MEIS2: variants seen among roughly 807,000 people sequenced by gnomAD.
The protein encoded by MEIS2 is homeobox protein Meis2.
MEIS2 carries 9 observed loss-of-function variants against 58.6 expected under a neutral mutation model. The ratio of observed to expected loss-of-function variants is 0.15; its 90% CI spans 0.09 to 0.27. The LOEUF is 0.27. Ranked by LOEUF, MEIS2 falls within the 10% of genes least tolerant of loss-of-function variation. The pLI is 1.00. For missense variants in MEIS2, 427 were observed against 635.0 expected, an observed-to-expected ratio of 0.67 and a Z score of 3.52; for synonymous variants, 221 against 228.4, an observed-to-expected ratio of 0.97 and a Z score of 0.29.
In MEIS2 at chr15:36,891,093, G is replaced by A. The variant is rs1051353757; in HGVS notation, c.*1080C>T. The A allele has an allele frequency of 3.3e-5, 5 of 149,786 alleles. 1 individual carries two copies. Among genetic ancestry groups the A allele is most frequent in the African/African-American group, 7.4e-5 (3 of 40,378 alleles). The allele number at this position is 149,786 out of a possible 1,614,324, so 9.3% of individuals were successfully genotyped here. On this transcript the variant is annotated 3_prime_UTR_variant, in exon 12 of 12. Transcript: ENST00000561208. ...AACACCTTTTTTTTTTTAACATAAC[G>A]TCACAGTCCTCATACAAGTATTTTA... is the stretch of plus-strand genomic sequence containing the variant.
chr15:36,971,565 G>T (rs914053195), intron 8 of MEIS2, among the ~76,000 whole-genome samples: 1 of 28,176 alleles, frequency 3.5e-5, no homozygotes, highest in African/African-American at 2.1e-4. Context: ...AAAAAAAAAA[G>T]GGCTGTTCCA....
At chr15:37,007,789 G>A (rs1283510401) in intron 8 of MEIS2, among the ~76,000 whole-genome samples, 1 of 152,114 alleles carries the variant, frequency 6.6e-6, no homozygotes, top group East Asian at 1.9e-4. Flanking sequence ...ATGTCCATAA[G>A]CCTTTGCTAT....
At chr15:36,901,933 A>G (rs2056496227) in intron 9 of MEIS2, among the ~76,000 whole-genome samples, 1 of 152,100 alleles carries the variant, frequency 6.6e-6, no homozygotes, top group African/African-American at 2.4e-5. Context: ...ATTGTTGTAT[A>G]CTCCAGACTT....
chr15:37,095,144 G>A (rs950713958), intron 4 of MEIS2: 5 of 201,422 alleles, frequency 2.5e-5, no homozygotes, highest in African/African-American at 1.1e-4. Flanking sequence ...AGTGGCCTGC[G>A]CTGGCCTGCC....
intron 9 of MEIS2, chr15:36,897,972 G>A (rs2056271363): frequency 6.6e-6 from 1 of 152,176 alleles, no homozygotes; most frequent in Non-Finnish European, 1.5e-5. Flanking sequence ...CACTCGGTCG[G>A]GCCTCCTGTG....
At chr15:36,911,376 GTGAC>G (rs1482779449) in intron 9 of MEIS2, among the ~76,000 whole-genome samples, 1 of 152,078 alleles carries the variant, frequency 6.6e-6, no homozygotes, top group Non-Finnish European at 1.5e-5. Context: ...AATCAGAACT[GTGAC>G]TGAGCTGTGT....
intron 11 of MEIS2, among the ~76,000 whole-genome samples, chr15:36,893,074 G>A (rs2055967980): frequency 6.6e-6 from 1 of 152,136 alleles, no homozygotes; most frequent in Admixed American, 6.5e-5. Context: ...GACATGCCCG[G>A]TAGTTTATCT....
At chr15:37,011,109 C>T (rs910220514) in intron 8 of MEIS2, among the ~76,000 whole-genome samples, 1 of 152,194 alleles carries the variant, frequency 6.6e-6, no homozygotes, top group Non-Finnish European at 1.5e-5. Context: ...AGACCGTCCT[C>T]CAGATGAACA....
chr15:37,001,277 C>G (rs1026884375), intron 8 of MEIS2, among the ~76,000 whole-genome samples: 2 of 151,988 alleles, frequency 1.3e-5, no homozygotes, highest in African/African-American at 4.8e-5. Context: ...TATCCTTGGC[C>G]CTCTTCTCTA....
chr15:37,096,849 A>G (rs1894318517), intron 2 of MEIS2, among the ~76,000 whole-genome samples: 1 of 152,208 alleles, frequency 6.6e-6, no homozygotes, highest in South Asian at 2.1e-4. Context: ...TGAAATTGAA[A>G]AAAAAATAGT....
At chr15:37,087,295 G>A (rs1485251269) in intron 6 of MEIS2, among the ~76,000 whole-genome samples, 4 of 152,220 alleles carry the variant, frequency 2.6e-5, no homozygotes, top group East Asian at 3.9e-4. Flanking sequence ...TTGCTCTTAC[G>A]TAATTGTGTT....
chr15:37,036,678 A>C (rs2062168815), intron 8 of MEIS2, 136 bp downstream of exon 8: 2 of 972,322 alleles, frequency 2.1e-6, no homozygotes, highest in Non-Finnish European at 2.9e-6. Context: ...AAAAAACTTT[A>C]ACTAGTCTGT....
chr15:37,027,604 CA>C (rs1310844440), intron 8 of MEIS2, among the ~76,000 whole-genome samples: 1 of 152,170 alleles, frequency 6.6e-6, no homozygotes, highest in African/African-American at 2.4e-5. Context: ...CTCAATTCCC[CA>C]TCTCCTTGAA....
At chr15:37,074,093 G>A (rs1891056127) in intron 7 of MEIS2, among the ~76,000 whole-genome samples, 1 of 151,864 alleles carries the variant, frequency 6.6e-6, no homozygotes, top group African/African-American at 2.4e-5. Flanking sequence ...ATCGTTTATT[G>A]TTCCACTTGT....
intron 8 of MEIS2, among the ~76,000 whole-genome samples, chr15:36,956,021 CAAAAAAAAA>C (rs757524401): frequency 4.3e-5 from 2 of 46,618 alleles, no homozygotes; most frequent in African/African-American, 8.7e-5. Flanking sequence ...ACTAAAAATA[CAAAAAAAAA>C]AAAAAAAAAA....
intron 8 of MEIS2, among the ~76,000 whole-genome samples, chr15:36,966,519 G>A (rs2059363850): frequency 6.6e-6 from 1 of 152,072 alleles, no homozygotes; most frequent in South Asian, 2.1e-4. Context: ...CCTTGAAGGA[G>A]ATACTGAATC....
At chr15:36,998,870 T>G (rs1206224628) in intron 8 of MEIS2, among the ~76,000 whole-genome samples, 1 of 152,172 alleles carries the variant, frequency 6.6e-6, no homozygotes. Context: ...TTAAGCAAAT[T>G]GCTGATGGTC....
At chr15:37,005,623 C>G (rs557596052) in intron 8 of MEIS2, among the ~76,000 whole-genome samples, 1 of 152,258 alleles carries the variant, frequency 6.6e-6, no homozygotes, top group Admixed American at 6.5e-5. Flanking sequence ...AGTGCAGTAG[C>G]GTGATCTCTG....
intron 8 of MEIS2, among the ~76,000 whole-genome samples, chr15:36,971,553 A>AAAAAAAAAAAAAAG (rs1555438306): frequency 7.6e-6 from 1 of 132,064 alleles, no homozygotes; most frequent in African/African-American, 3.4e-5. Context: ...AAAAAAAAAA[A>AAAAAAAAAAAAAAG]AAAAAAAAAA....
Sources: allele counts gnomAD v4.1 joint callset (sites outside exome capture counted in the v4.1 genomes callset), GRCh38; gene constraint gnomAD v4.1.1; transcripts MANE v1.5; gene names NCBI Gene and HGNC (gene_info 2026-07-23, HGNC 2026-07-21).